SCARB1: variants seen among roughly 807,000 people sequenced by gnomAD.
SCARB1 encodes the protein CD36 and LIMPII analogous 1.
A neutral mutation model predicts 57.2 loss-of-function variants in SCARB1; 30 were observed. That is an observed-to-expected ratio of 0.52 (90% CI 0.39 to 0.71). The LOEUF (loss-of-function observed/expected upper bound fraction) is 0.71, where lower values mean the gene tolerates loss of function less well. SCARB1 is among the 30% of genes least tolerant of loss of function. The pLI, the probability that SCARB1 is intolerant of heterozygous loss-of-function variation, is 0.00. For missense variants in SCARB1, 543 were observed against 671.2 expected (o/e 0.81, Z 2.11); for synonymous variants, 249 against 268.3 (o/e 0.93, Z 0.70).
chr12:124,778,295 G>T lies in SCARB1; in HGVS notation c.*292C>A, dbSNP rs1247963372. On this transcript the variant is annotated 3_prime_UTR_variant, in exon 13 of 13. Transcript: ENST00000261693. ...ACCCACAGCCCCTGTGGTCAGGCCT[G>T]TGGGCCACGTGGAGAGAAGGTTCCA... 1.6e-6 allele frequency: 1 copy of T among 606,094 alleles called. No homozygotes were observed. The highest frequency in any genetic ancestry group is 2.4e-6 in the Non-Finnish European group (1 of 416,302). 37.5% of individuals were successfully genotyped at this position (606,094 alleles called of 1,614,324 possible).
Position 124,817,257 on chromosome 12 carries a change from C to T in SCARB1, c.284+293G>A, listed in dbSNP as rs141851790. Among the ~76,000 whole-genome samples, 847 of 150,246 alleles carry T rather than the reference C, an allele frequency of 5.6e-3. 10 individuals are homozygous for T. Among genetic ancestry groups the T allele is most frequent in the African/African-American group, 0.019 (792 of 40,906 alleles). ...TCTCTAGGCAACGTCTGGTGATTCG[C>T]ACCTGTAATCCCAGCACTTTGAGAG... On this transcript the variant is annotated intron_variant, in intron 2 of 12. Coordinates refer to ENST00000261693, the MANE Select transcript of SCARB1 (RefSeq NM_005505.5). The surrounding 1 kb of genome is among the most constrained non-coding windows in gnomAD (Gnocchi z 4.8).
intron 12 of SCARB1, among the ~76,000 whole-genome samples, chr12:124,782,458 G>A (rs1949349728): frequency 6.6e-6 from 1 of 152,164 alleles, no homozygotes; most frequent in Admixed American, 6.5e-5. Context: ...CCAGCCCACA[G>A]AATACAAGTT....
At chr12:124,820,455 C>T (rs750751196) in intron 1 of SCARB1, among the ~76,000 whole-genome samples, 36 of 152,042 alleles carry the variant, frequency 2.4e-4, no homozygotes, top group Non-Finnish European at 3.7e-4. Context: ...ACGCCCTCCC[C>T]ACCCCATGGC....
In SCARB1 at chr12:124,807,950, G is replaced by C; in HGVS notation, c.843-23C>G. 2.5e-6 allele frequency: 4 copies of C among 1,613,438 alleles called. No homozygotes were observed. The highest frequency in any genetic ancestry group is 1.1e-5 in the South Asian group (1 of 91,056). ...GATCTGCAGGGGACAGACAGGATGA[G>C]AGGGGACACCCAGACCCGGCGGCCA... is the stretch of plus-strand genomic sequence containing the variant. On this transcript the variant is annotated intron_variant, in intron 6 of 12. Transcript: ENST00000261693. The surrounding 1 kb of genome is among the most constrained non-coding windows in gnomAD (Gnocchi z 5.3).
rs114868762 is a variant in SCARB1, at chr12:124,792,128, A to G, written c.1202+3067T>C. Among the ~76,000 whole-genome samples, 935 of 152,204 alleles carry G rather than the reference A, an allele frequency of 6.1e-3. 11 individuals carry two copies. Among genetic ancestry groups the G allele is most frequent in the African/African-American group, 0.021 (874 of 41,452 alleles). ...TACTTTGGCTGCTTTTCTCTGAAAG[A>G]CTTTGTAAGAACCAATGGGAATTGT... On this transcript the variant is annotated intron_variant, in intron 9 of 12. Transcript: ENST00000261693.
intron 1 of SCARB1, among the ~76,000 whole-genome samples, chr12:124,838,449 G>C (rs10773109): frequency 0.51 from 77,863 of 152,010 alleles, 20,514 homozygotes; most frequent in Admixed American, 0.63. Flanking sequence ...TATTGTTACA[G>C]GAGCCTCCCT....
intron 1 of SCARB1, among the ~76,000 whole-genome samples, chr12:124,859,464 G>A (rs1378185267): frequency 6.6e-6 from 1 of 152,120 alleles, no homozygotes; most frequent in African/African-American, 2.4e-5. Flanking sequence ...CCAGGAGGCA[G>A]AGGCTGCAGT....
At chr12:124,851,224 G>A (rs1245369388) in intron 1 of SCARB1, among the ~76,000 whole-genome samples, 3 of 152,214 alleles carry the variant, frequency 2.0e-5, no homozygotes, top group African/African-American at 4.8e-5. Flanking sequence ...CTGACGTGGT[G>A]CAGATGCCAT....
At chr12:124,833,505 T>C (rs1340132670) in intron 1 of SCARB1, among the ~76,000 whole-genome samples, 1 of 152,050 alleles carries the variant, frequency 6.6e-6, no homozygotes, top group East Asian at 1.9e-4. Context: ...CTTAACTTAA[T>C]CACGCCTACA....
At chr12:124,833,596 G>C (rs1349758098) in intron 1 of SCARB1, among the ~76,000 whole-genome samples, 5 of 152,114 alleles carry the variant, frequency 3.3e-5, no homozygotes, top group Non-Finnish European at 7.4e-5. Flanking sequence ...ACATTGTTCA[G>C]CCTGCCACAC....
intron 1 of SCARB1, among the ~76,000 whole-genome samples, chr12:124,846,952 C>T (rs1423335859): frequency 2.6e-5 from 4 of 152,082 alleles, no homozygotes; most frequent in Middle Eastern, 3.4e-3. Flanking sequence ...AGTCCAAAAC[C>T]GGACCAAACT....
chr12:124,814,412 G>A lies in SCARB1; in HGVS notation c.427-7C>T, dbSNP rs778703205. 1.9e-6 allele frequency: 3 copies of A among 1,612,986 alleles called. No individual in the cohort carries two copies. The highest frequency in any genetic ancestry group is 2.5e-6 in the Non-Finnish European group (3 of 1,179,942). On this transcript the variant is annotated splice_polypyrimidine_tract_variant and splice_region_variant and intron_variant, in intron 3 of 12. Transcript: ENST00000261693. This position sits in a 1 kb window ranked among gnomAD's most constrained non-coding sequence, Gnocchi z 4.7. The stretch of plus-strand genomic sequence containing the variant: ...CCATCATCACCGCCGCACCCTGCAA[G>A]GCGAAGGGACACTAGTGTCAGAGGC...
intron 2 of SCARB1, among the ~76,000 whole-genome samples, chr12:124,815,742 T>A (rs1473530986): frequency 6.6e-6 from 1 of 152,130 alleles, no homozygotes; most frequent in East Asian, 1.9e-4. Flanking sequence ...GGCAGATGCC[T>A]GTAATCCCAG....
At chr12:124,783,003 T>C (rs939760610) in intron 11 of SCARB1, 192 bp from the exon 12 acceptor site, 2 of 589,328 alleles carry the variant, frequency 3.4e-6, no homozygotes, top group Admixed American at 2.8e-5. Flanking sequence ...ACAAGCATCT[T>C]CAGGAAACAC....
At chr12:124,839,368 C>T in intron 1 of SCARB1, 1 of 439,042 alleles carries the variant, frequency 2.3e-6, no homozygotes, top group Non-Finnish European at 4.6e-6. Context: ...GTGCATGTCG[C>T]AGCGTGCGTC....
At chr12:124,791,554 A>C (rs1198746162) in intron 9 of SCARB1, among the ~76,000 whole-genome samples, 1 of 152,230 alleles carries the variant, frequency 6.6e-6, no homozygotes, top group Non-Finnish European at 1.5e-5. Context: ...AAATCCCAGC[A>C]AAGAAATGGA....
At position 124,839,104 on chromosome 12, in the gene SCARB1, A is replaced by G. The variant is rs1409721680; in HGVS notation, c.127-21397T>C. On this transcript the variant is annotated intron_variant, in intron 1 of 12. Transcript: ENST00000261693. ...TTAGCCATTTTTAAGTGTACAGTTC[A>G]GTGGCATTAAGGACATTTGCAATGT... is the stretch of plus-strand genomic sequence containing the variant. The G allele has an allele frequency of 1.0e-5, 4 of 399,556 alleles. No individual in the cohort carries two copies. In the Admixed American group the frequency reaches 1.1e-4, roughly 11 times the overall value. The allele number at this position is 399,556 out of a possible 1,614,324, so 24.8% of individuals were successfully genotyped here. A position where few individuals can be genotyped will look rare whatever the true frequency, so the allele number is the denominator to read the frequency against.
At chr12:124,854,699 A>G (rs34810640) in intron 1 of SCARB1, among the ~76,000 whole-genome samples, 4,591 of 152,278 alleles carry the variant, frequency 0.03, 493 homozygotes, top group East Asian at 0.23. Flanking sequence ...TGGAGAGAAC[A>G]GAGTCAAGGC....
At chr12:124,802,462 A>C (rs1286053741) in intron 7 of SCARB1, among the ~76,000 whole-genome samples, 1 of 151,854 alleles carries the variant, frequency 6.6e-6, no homozygotes, top group Non-Finnish European at 1.5e-5. Flanking sequence ...AATCTGGAAA[A>C]CGCTGCCTCT....
Sources: allele counts gnomAD v4.1 joint callset (sites outside exome capture counted in the v4.1 genomes callset), GRCh38; gene constraint gnomAD v4.1.1; non-coding constraint Gnocchi (gnomAD v3.1); transcripts MANE v1.5; gene names NCBI Gene and HGNC (gene_info 2026-07-23, HGNC 2026-07-21).